Variants in DNER observed in about 807,000 individuals in gnomAD.
DNER encodes the protein delta and Notch-like epidermal growth factor-related receptor.
Under a neutral mutation model 78.2 loss-of-function variants are expected in DNER, and 33 were observed. That is an observed-to-expected ratio of 0.42 (90% CI 0.32 to 0.56). The LOEUF is 0.56. Among genes scored for constraint, DNER ranks in the 20% least tolerant of loss-of-function variants. The probability of loss-of-function intolerance (pLI) is 0.11; values close to 1 mark genes in which losing one functional copy is unlikely to be tolerated. For missense variants in DNER, 918 were observed against 975.3 expected, an observed-to-expected ratio of 0.94 and a Z score of 0.78; for synonymous variants, 417 against 384.8, an observed-to-expected ratio of 1.08 and a Z score of -0.98.
chr2:229,425,821 C>T (rs1401935980), intron 8 of DNER, among the ~76,000 whole-genome samples: 1 of 152,224 alleles, frequency 6.6e-6, no homozygotes, highest in East Asian at 1.9e-4. Flanking sequence ...CTTCCTGCTG[C>T]CTCAGGCAAA....
chr2:229,556,212 C>T (rs993877441), intron 4 of DNER, among the ~76,000 whole-genome samples: 4 of 152,192 alleles, frequency 2.6e-5, no homozygotes, highest in Admixed American at 2.6e-4. Flanking sequence ...AACTCGCGTC[C>T]ACCAGTGAGA....
chr2:229,418,270 C>A (rs760585081), intron 8 of DNER, 40 bp from the exon 9 acceptor site: 2 of 1,612,470 alleles, frequency 1.2e-6, no homozygotes, highest in Admixed American at 3.3e-5. Context: ...AAATGCATCC[C>A]ATTTACAACC....
At chr2:229,384,826 A>G (rs866030751) in intron 11 of DNER, among the ~76,000 whole-genome samples, 3 of 152,198 alleles carry the variant, frequency 2.0e-5, no homozygotes, top group Non-Finnish European at 4.4e-5. Context: ...AAATTTTATC[A>G]GAGGTACAAA....
chr2:229,434,963 C>T (rs1694091119), intron 8 of DNER, among the ~76,000 whole-genome samples: 2 of 151,724 alleles, frequency 1.3e-5, no homozygotes, highest in South Asian at 4.2e-4. Context: ...CACACACACA[C>T]ACAGACACAT....
chr2:229,710,029 A>G (rs1223148868), intron 1 of DNER, among the ~76,000 whole-genome samples: 2 of 152,198 alleles, frequency 1.3e-5, no homozygotes, highest in Non-Finnish European at 2.9e-5. Flanking sequence ...AGTTTTTTCA[A>G]ACCTATCAGA....
At chr2:229,526,628 A>G (rs1270470360) in intron 5 of DNER, among the ~76,000 whole-genome samples, 2 of 152,186 alleles carry the variant, frequency 1.3e-5, no homozygotes, top group Admixed American at 6.5e-5. Flanking sequence ...GCAGTTCACA[A>G]CAGGGTTTGC....
intron 1 of DNER, among the ~76,000 whole-genome samples, chr2:229,598,748 A>G (rs1229993804): frequency 6.6e-6 from 1 of 152,000 alleles, no homozygotes; most frequent in African/African-American, 2.4e-5. Flanking sequence ...TCCAATGAGA[A>G]ATGGAGCCAG....
At chr2:229,491,960 C>T (rs1468661516) in intron 6 of DNER, among the ~76,000 whole-genome samples, 7 of 151,870 alleles carry the variant, frequency 4.6e-5, no homozygotes, top group Non-Finnish European at 1.0e-4. Context: ...TACACACACA[C>T]ACACACACAC....
rs1280722092 is a variant in DNER, at chr2:229,367,218, C to A, written c.1856-99G>T. On this transcript the variant is annotated intron_variant, in intron 11 of 12. Transcript: ENST00000341772. ...GCATAGATAACTTAAAACCTAAGGG[C>A]CATTCAAACTTGGAAGGCTTATTTT... The A allele has an allele frequency of 2.7e-6, 4 of 1,494,672 alleles. No homozygotes were observed. In the East Asian group the frequency reaches 6.9e-5, roughly 26 times the overall value. The allele number at this position is 1,494,672 out of a possible 1,614,324, so 92.6% of individuals were successfully genotyped here. A position where few individuals can be genotyped will look rare whatever the true frequency, so the allele number is the denominator to read the frequency against.
At chr2:229,625,127 G>A (rs1448065789) in intron 1 of DNER, among the ~76,000 whole-genome samples, 4 of 152,060 alleles carry the variant, frequency 2.6e-5, no homozygotes, top group African/African-American at 7.2e-5. Flanking sequence ...CTAAGCCCAA[G>A]GCTAAATAGA....
chr2:229,701,448 C>T (rs143392415), intron 1 of DNER, among the ~76,000 whole-genome samples: 1 of 152,270 alleles, frequency 6.6e-6, no homozygotes, highest in African/African-American at 2.4e-5. Context: ...CACACTTATA[C>T]AAAAAATGCT....
chr2:229,370,762 A>G (rs921470880), intron 11 of DNER, among the ~76,000 whole-genome samples: 2 of 152,186 alleles, frequency 1.3e-5, no homozygotes, highest in African/African-American at 2.4e-5. Flanking sequence ...AGCCAGTACT[A>G]TGTTTCTCCT....
chr2:229,365,495 G>A (rs967226881), intron 12 of DNER, among the ~76,000 whole-genome samples: 1 of 152,176 alleles, frequency 6.6e-6, no homozygotes, highest in Non-Finnish European at 1.5e-5. Context: ...GGAGTGCAGT[G>A]GTGCCATCTC....
intron 1 of DNER, among the ~76,000 whole-genome samples, chr2:229,676,038 C>T (rs567643538): frequency 6.6e-6 from 1 of 152,330 alleles, no homozygotes; most frequent in Middle Eastern, 3.4e-3. Flanking sequence ...CTCACAAGTT[C>T]TGGAAGGTGG....
chr2:229,541,808 C>T (rs1696519171), intron 5 of DNER, among the ~76,000 whole-genome samples: 1 of 150,510 alleles, frequency 6.6e-6, no homozygotes, highest in African/African-American at 2.4e-5. Flanking sequence ...CAAGACTCCA[C>T]AATTGCATGA....
At chr2:229,400,438 T>G (rs924173641) in intron 10 of DNER, among the ~76,000 whole-genome samples, 1 of 151,408 alleles carries the variant, frequency 6.6e-6, no homozygotes, top group African/African-American at 2.4e-5. Flanking sequence ...AAACCAGAGA[T>G]CCTTAGAGAA....
chr2:229,442,923 A>G (rs1401293158), intron 8 of DNER, among the ~76,000 whole-genome samples: 2 of 152,202 alleles, frequency 1.3e-5, no homozygotes, highest in African/African-American at 4.8e-5. Context: ...TTTCACTTGG[A>G]AAAAGTCTAC....
intron 10 of DNER, among the ~76,000 whole-genome samples, chr2:229,406,397 A>T (rs1353942193): frequency 1.3e-5 from 2 of 151,848 alleles, no homozygotes; most frequent in South Asian, 4.2e-4. Flanking sequence ...TACTCTCTAC[A>T]TTTCAAGATC....
intron 1 of DNER, among the ~76,000 whole-genome samples, chr2:229,594,594 A>AAGC (rs1559177002): frequency 1.3e-5 from 2 of 151,162 alleles, no homozygotes; most frequent in Non-Finnish European, 2.9e-5. Flanking sequence ...CTCAAAAAAA[A>AAGC]AAAACAAAAC....
Sources: gnomAD v4.1 joint callset for allele counts (sites outside exome capture counted in the v4.1 genomes callset) on GRCh38, gnomAD v4.1.1 for gene constraint, MANE v1.5 for transcripts, NCBI Gene and HGNC (gene_info 2026-07-23, HGNC 2026-07-21) for gene names.